FBF1: variants seen among roughly 807,000 people sequenced by gnomAD.
The protein encoded by FBF1 is fas-binding factor 1.
Under a neutral mutation model 147.2 loss-of-function variants are expected in FBF1, and 119 were observed. That is an observed-to-expected ratio of 0.81 (90% CI 0.70 to 0.94). The LOEUF (loss-of-function observed/expected upper bound fraction) is 0.94. Ranked by LOEUF, FBF1 falls within the 40% of genes least tolerant of loss-of-function variation. The probability of loss-of-function intolerance (pLI) is 0.00; values close to 1 mark genes in which losing one functional copy is unlikely to be tolerated. For missense variants in FBF1, 1,449 were observed against 1,500.8 expected, an observed-to-expected ratio of 0.97 and a Z score of 0.57; for synonymous variants, 601 against 609.0, an observed-to-expected ratio of 0.99 and a Z score of 0.19.
At chr17:75,920,181 C>T (rs1353451478) in intron 18 of FBF1, 74 bp from the exon 19 acceptor site, 1 of 1,587,968 alleles carries the variant, frequency 6.3e-7, no homozygotes, top group Non-Finnish European at 8.6e-7. Flanking sequence ...TGCCAACAGC[C>T]CTTCCTCCCT....
At chr17:75,940,328 T>G (rs1193234982) in intron 1 of FBF1, among the ~76,000 whole-genome samples, 1 of 151,754 alleles carries the variant, frequency 6.6e-6, no homozygotes, top group African/African-American at 2.4e-5. Context: ...CATAGCTTAC[T>G]GCAGCCTCGA....
chr17:75,927,575 TG>T lies in FBF1; in HGVS notation c.398-44del, dbSNP rs760824613. ...CAAGGTCATGGGCCTGAGTCTCTCCTGGCCAAAGTCCTCCTCCCATATCATG... is the reference window on the plus strand; with the variant it reads ...CAAGGTCATGGGCCTGAGTCTCTCCTGCCAAAGTCCTCCTCCCATATCATG... On this transcript the variant is annotated intron_variant, in intron 8 of 29. Transcript: ENST00000636174. 2.8e-5 allele frequency: 43 copies of T among 1,535,188 alleles called. No individual in the cohort carries two copies. The African/African-American group carries it at 4.8e-4, about 17-fold the overall frequency.
intron 3 of FBF1, among the ~76,000 whole-genome samples, chr17:75,936,458 T>C (rs1288186104): frequency 6.8e-6 from 1 of 147,912 alleles, no homozygotes. Context: ...CGCCACTGCA[T>C]TCCAGCCTGG....
In FBF1 at chr17:75,914,800, G is replaced by C; in HGVS notation, c.2761C>G (p.Arg921Gly). ...CGCTGGGTGTCCACCTGCAATGCCC[G>C]CTCGGCCTCGCGCTCGGCCCGCTCC... ...SKERAEREAE[R>G]ALQVDTQREG... is the part of the protein sequence containing the mutation. The change falls in exon 25 of 30, where the codon CGG (arginine) becomes GGG (glycine). Residue 921 changes from arginine to glycine, a missense_variant. Transcript: ENST00000636174. The C allele has an allele frequency of 6.4e-7, 1 of 1,565,646 alleles. No homozygotes were observed. The highest frequency in any genetic ancestry group is 2.4e-5 in the East Asian group (1 of 41,640).
chr17:75,930,028 G>A lies in FBF1; in HGVS notation c.248C>T (p.Ala83Val), dbSNP rs1481870843. The change falls in exon 7 of 30, where the codon GCA (alanine) becomes GTA (valine). Residue 83 changes from alanine to valine, a missense_variant. Transcript: ENST00000636174. Reference sequence around the variant, plus strand: ...GGCCTGGAGCAGAGCCTGTGGGTCTGCCTCTGAGATACCTGAAACCTAAGT... The same window carrying A: ...GGCCTGGAGCAGAGCCTGTGGGTCTACCTCTGAGATACCTGAAACCTAAGT... ...ADAEVSGISE[A>V]DPQALLQAMK... The A allele has an allele frequency of 2.6e-5, 40 of 1,562,142 alleles. No homozygotes were observed. The highest frequency in any genetic ancestry group is 3.2e-5 in the Non-Finnish European group (37 of 1,157,078).
At chr17:75,930,159 G>A (rs551248498) in intron 6 of FBF1, 112 bp from the exon 7 acceptor site, 19 of 789,228 alleles carry the variant, frequency 2.4e-5, no homozygotes, top group African/African-American at 1.0e-4. Flanking sequence ...CGCGGCAGGA[G>A]CAGAGCTTGG....
At chr17:75,929,945 A>AGGGGCCCCCCC in intron 7 of FBF1, 52 bp downstream of exon 7, 2 of 650,852 alleles carry the variant, frequency 3.1e-6, no homozygotes, top group East Asian at 2.8e-5. Flanking sequence ...AAATATCATG[A>AGGGGCCCCCCC]CCCCACCCCA....
In FBF1 at chr17:75,923,680, G is replaced by T; in HGVS notation, c.969-39C>A. On this transcript the variant is annotated intron_variant, in intron 13 of 29. Transcript: ENST00000636174. This position sits in a 1 kb window ranked among gnomAD's most constrained non-coding sequence, Gnocchi z 4.1. ...AGGAGGGTGTCAGGCAGGGGAAACA[G>T]CCAGTCCCAGTGGCCCCCTAGCAGC... The T allele has an allele frequency of 6.6e-7, 1 of 1,522,212 alleles. No individual in the cohort carries two copies. The allele number at this position is 1,522,212 out of a possible 1,614,324, so 94.3% of individuals were successfully genotyped here.
Position 75,919,443 on chromosome 17 carries a change from C to A in FBF1, c.2138+225G>T, listed in dbSNP as rs918379672. Among the ~76,000 whole-genome samples the A allele has an allele frequency of 1.3e-5, 2 of 152,170 alleles. No homozygotes were observed. The highest frequency in any genetic ancestry group is 4.8e-5 in the African/African-American group (2 of 41,458). ...CTGCTGCCATGCCATGCCTGAACAG[C>A]CTGTGGGTACCCCCTCCTGCCTCTG... On this transcript the variant is annotated intron_variant, in intron 20 of 29. Transcript: ENST00000636174. This position sits in a 1 kb window ranked among gnomAD's most constrained non-coding sequence, Gnocchi z 5.0.
intron 1 of FBF1, among the ~76,000 whole-genome samples, chr17:75,939,251 G>A (rs1038800999): frequency 7.4e-6 from 1 of 135,862 alleles, no homozygotes; most frequent in Admixed American, 8.5e-5. Flanking sequence ...AGCCGAGATC[G>A]CCCCACTGCA....
At chr17:75,936,980 C>T (rs1274884309) in intron 3 of FBF1, among the ~76,000 whole-genome samples, 6 of 152,138 alleles carry the variant, frequency 3.9e-5, no homozygotes, top group Middle Eastern at 3.4e-3. Flanking sequence ...ATATCGAATT[C>T]GTTTCCCCAC....
rs189227449 is a variant in FBF1, at chr17:75,924,623, G to A, written c.968+724C>T. ...CTCCCGAGTAGCTGGAATCACAGGCGCCCACCACCACGCCCAGCTAATTTT... is the reference window on the plus strand; with the variant it reads ...CTCCCGAGTAGCTGGAATCACAGGCACCCACCACCACGCCCAGCTAATTTT... On this transcript the variant is annotated intron_variant, in intron 13 of 29. Transcript: ENST00000636174. 4.5e-3 allele frequency among the ~76,000 whole-genome samples: 686 copies of A among 152,060 alleles called. 4 individuals are homozygous for A. The highest frequency in any genetic ancestry group is 0.01 in the Middle Eastern group (3 of 292).
Position 75,919,750 on chromosome 17 carries a change from G to A in FBF1, c.2056C>T (p.Leu686Phe), listed in dbSNP as rs766498973. The part of the protein sequence containing the change: ...CQEAEQARAE[L>F]TAQHQRRLAA... ...AAGCGCCGCTGGTGCTGGGCCGTAA[G>A]CTCAGCACGGGCCTGTTCGGCCTCC... Residue 686 changes from leucine to phenylalanine, a missense_variant, in exon 20 of 30, where the codon CTT becomes TTT. Physicochemically the swap from Leu to Phe is conservative, Grantham distance 22. Transcript: ENST00000636174. The surrounding 1 kb of genome is among the most constrained non-coding windows in gnomAD (Gnocchi z 5.0). 9.9e-6 allele frequency: 16 copies of A among 1,613,494 alleles called. No homozygotes were observed. The highest frequency in any genetic ancestry group is 1.3e-5 in the Non-Finnish European group (15 of 1,179,892).
intron 23 of FBF1, 38 bp downstream of exon 23, chr17:75,917,694 G>T (rs1276776247): frequency 1.3e-6 from 2 of 1,510,218 alleles, no homozygotes; most frequent in Non-Finnish European, 1.8e-6. Context: ...GAGGCCCCGT[G>T]GCAGGAGGGG....
chr17:75,923,091 T>G lies in FBF1; in HGVS notation c.1424+95A>C, dbSNP rs1036793794. The stretch of plus-strand genomic sequence containing the variant: ...ACGGCGCCCTGCCTTGTTCCCCAAC[T>G]GCTGACTGAGGCTGCAACAGGTGAA... On this transcript the variant is annotated intron_variant, in intron 14 of 29. Coordinates refer to ENST00000636174, the MANE Select transcript of FBF1 (RefSeq NM_001319193.2). The surrounding 1 kb of genome is among the most constrained non-coding windows in gnomAD (Gnocchi z 4.1). 5 of 1,276,876 alleles carry G rather than the reference T, an allele frequency of 3.9e-6. No individual in the cohort carries two copies. 79.1% of individuals were successfully genotyped at this position (1,276,876 alleles called of 1,614,324 possible).
intron 4 of FBF1, among the ~76,000 whole-genome samples, chr17:75,935,321 T>G (rs1271540267): frequency 6.6e-6 from 1 of 152,108 alleles, no homozygotes; most frequent in Non-Finnish European, 1.5e-5. Context: ...CCCGCCACTA[T>G]GCCCAGCTAA....
rs1030583119 is a variant in FBF1 at position 75,931,293 on chromosome 17, C to T, written c.168-4G>A. On this transcript the variant is annotated splice_region_variant and splice_polypyrimidine_tract_variant and intron_variant, in intron 5 of 29. Transcript: ENST00000636174. ...GACATCATCACCCAGGAGGGACCTG[C>T]AAAGGGGAGGCGTCAGCCCCTACCT... The T allele has an allele frequency of 6.3e-7, 1 of 1,580,676 alleles. No homozygotes were observed. The highest frequency in any genetic ancestry group is 8.6e-7 in the Non-Finnish European group (1 of 1,163,650).
chr17:75,920,371 T>C lies in FBF1; in HGVS notation c.1733A>G (p.Gln578Arg), dbSNP rs1218149859. 1.2e-6 allele frequency: 2 copies of C among 1,605,980 alleles called. No homozygotes were observed. The highest frequency in any genetic ancestry group is 2.7e-5 in the African/African-American group (2 of 74,796). Residue 578 changes from glutamine to arginine, a missense_variant, in exon 18 of 30, where the codon CAG (glutamine) becomes CGG (arginine). Transcript: ENST00000636174. ...SLLPSTEYQK[Q>R]LLAAQVQLQC... is the part of the protein sequence containing the mutation. The stretch of plus-strand genomic sequence containing the variant: ...AAGTTGCACCTGTGCTGCCAGGAGC[T>C]GCTTCTGGTATTCTGTGCTCGGCAG...
Position 75,919,631 on chromosome 17 carries a change from C to A in FBF1, c.2138+37G>T. 6.4e-7 allele frequency: 1 copy of A among 1,558,800 alleles called. No homozygotes were observed. On this transcript the variant is annotated intron_variant, in intron 20 of 29. Coordinates refer to ENST00000636174, the MANE Select transcript of FBF1 (RefSeq NM_001319193.2). This position sits in a 1 kb window ranked among gnomAD's most constrained non-coding sequence, Gnocchi z 5.0. ...ATGGCTCTCTTCCGGCTACTCCTTG[C>A]AAGCCTGCTCCCCAGCTGCCTGTCC...
Sources: allele counts gnomAD v4.1 joint callset (sites outside exome capture counted in the v4.1 genomes callset), GRCh38; gene constraint gnomAD v4.1.1; non-coding constraint Gnocchi (gnomAD v3.1); transcripts MANE v1.5; gene names NCBI Gene and HGNC (gene_info 2026-07-23, HGNC 2026-07-21).